The following SAP130 variants were observed in gnomAD, a reference collection of about 807,000 sequenced individuals.
SAP130 encodes the protein histone deacetylase complex subunit SAP130.
Under a neutral mutation model 103.2 loss-of-function variants are expected in SAP130, and 16 were observed. The observed-to-expected ratio is 0.16, with a 90% CI of 0.10 to 0.24. The LOEUF is 0.24. SAP130 is among the 10% of genes least tolerant of loss of function. The pLI is 1.00. For synonymous variants in SAP130, 477 were observed against 497.0 expected (o/e 0.96, Z 0.53); for missense variants, 990 against 1,359.7 (o/e 0.73, Z 4.28).
intron 14 of SAP130, among the ~76,000 whole-genome samples, chr2:127,983,923 T>C (rs2104970313): frequency 6.6e-6 from 1 of 151,098 alleles, no homozygotes; most frequent in East Asian, 2.0e-4. Flanking sequence ...ATCATTGGGT[T>C]TTATATTTGC....
intron 19 of SAP130, among the ~76,000 whole-genome samples, chr2:127,944,085 G>GC (rs1325381105): frequency 2.0e-5 from 3 of 152,052 alleles, no homozygotes; most frequent in South Asian, 2.1e-4. Context: ...AGGATGGAGT[G>GC]CAGTGGTGCG....
chr2:127,950,508 G>C lies in SAP130; in HGVS notation c.2423-100C>G, dbSNP rs1679427461. ...CAAAGATGATTAAGAAGACAGCACA[G>C]AGCACCAACATTTATTGTCTTCCTA... is the stretch of plus-strand genomic sequence containing the variant. On this transcript the variant is annotated intron_variant, in intron 16 of 20. Transcript: ENST00000643581. The C allele has an allele frequency of 4.5e-6, 6 of 1,344,012 alleles. No homozygotes were observed. In the East Asian group the frequency reaches 1.2e-4, roughly 26 times the overall value. 83.3% of individuals were successfully genotyped at this position (1,344,012 alleles called of 1,614,324 possible).
intron 7 of SAP130, among the ~76,000 whole-genome samples, chr2:128,004,482 C>T (rs1355045349): frequency 6.9e-6 from 1 of 145,824 alleles, no homozygotes; most frequent in African/African-American, 2.5e-5. Flanking sequence ...TGTACGATTA[C>T]AGACATGAGC....
chr2:127,981,804 C>T (rs780556664), intron 14 of SAP130, among the ~76,000 whole-genome samples: 22 of 142,010 alleles, frequency 1.5e-4, no homozygotes, highest in Non-Finnish European at 2.3e-4. Context: ...CCTGCACCCT[C>T]GACTCAGCTC....
Position 127,955,693 on chromosome 2 carries a change from G to A in SAP130, c.2064-349C>T, listed in dbSNP as rs184751173. 2.4e-4 allele frequency among the ~76,000 whole-genome samples: 37 copies of A among 152,056 alleles called. No individual in the cohort carries two copies. The highest frequency in any genetic ancestry group is 7.9e-4 in the Admixed American group (12 of 15,268). On this transcript the variant is annotated intron_variant, in intron 15 of 20. Transcript: ENST00000643581. The surrounding 1 kb of genome is among the most constrained non-coding windows in gnomAD (Gnocchi z 4.9). ...TGTGGAGATGGGGTTTCACCATGTT[G>A]CCCAGGCTGATCTCCAACTCCTGAA...
chr2:127,997,758 G>A (rs997887233), intron 10 of SAP130, among the ~76,000 whole-genome samples: 7 of 152,008 alleles, frequency 4.6e-5, no homozygotes, highest in African/African-American at 7.3e-5. Flanking sequence ...GCTAACCAGC[G>A]GTTGGTAACC....
At chr2:128,021,932 T>C (rs917578056) in intron 2 of SAP130, among the ~76,000 whole-genome samples, 9 of 152,242 alleles carry the variant, frequency 5.9e-5, no homozygotes, top group Non-Finnish European at 1.0e-4. Flanking sequence ...TGCATGTTTA[T>C]CTTTTGTCCA....
chr2:128,020,821 A>AC (rs1685101198), intron 2 of SAP130, among the ~76,000 whole-genome samples: 1 of 151,908 alleles, frequency 6.6e-6, no homozygotes, highest in African/African-American at 2.4e-5. Flanking sequence ...ACATGGTGAA[A>AC]CCCCGTCTCC....
chr2:128,021,519 G>A (rs1442151271), intron 2 of SAP130, among the ~76,000 whole-genome samples: 1 of 150,440 alleles, frequency 6.6e-6, no homozygotes, highest in African/African-American at 2.4e-5. Context: ...ACTATATATT[G>A]ACTTTTCTCC....
chr2:127,984,912 G>A (rs1379005724), intron 14 of SAP130, among the ~76,000 whole-genome samples: 1 of 152,174 alleles, frequency 6.6e-6, no homozygotes, highest in East Asian at 1.9e-4. Context: ...CAAACTCAAA[G>A]GTTTTAACTT....
chr2:127,972,756 TA>T (rs199992314), intron 15 of SAP130, among the ~76,000 whole-genome samples: 2 of 150,220 alleles, frequency 1.3e-5, no homozygotes, highest in South Asian at 2.1e-4. Context: ...AGATTCTGTC[TA>T]AAAAAAAAGT....
At chr2:127,983,483 A>C (rs1192245051) in intron 14 of SAP130, among the ~76,000 whole-genome samples, 1 of 152,142 alleles carries the variant, frequency 6.6e-6, no homozygotes, top group Non-Finnish European at 1.5e-5. Flanking sequence ...CTCCAGGCTG[A>C]GTGACAGTAG....
At chr2:128,013,715 A>C (rs982114372) in intron 5 of SAP130, among the ~76,000 whole-genome samples, 4 of 152,152 alleles carry the variant, frequency 2.6e-5, no homozygotes, top group African/African-American at 9.7e-5. Flanking sequence ...AAAAGGTAAA[A>C]ATTTCTAGTC....
At position 127,942,778 on chromosome 2, in the gene SAP130, CCA is replaced by C. The variant is rs1678799281; in HGVS notation, c.2902-243_2902-242del. 6.6e-6 allele frequency among the ~76,000 whole-genome samples: 1 copy of C among 152,098 alleles called. No homozygotes were observed. The highest frequency in any genetic ancestry group is 2.4e-5 in the African/African-American group (1 of 41,426). ...TCGAGGCGGGTGGATCACCTGAGGTCCAGAGTTTGAGACCAGCCTGACCAACA... is the reference window on the plus strand; with the variant it reads ...TCGAGGCGGGTGGATCACCTGAGGTCGAGTTTGAGACCAGCCTGACCAACA... On this transcript the variant is annotated intron_variant, in intron 19 of 20. Transcript: ENST00000643581. This position sits in a 1 kb window ranked among gnomAD's most constrained non-coding sequence, Gnocchi z 4.8.
intron 15 of SAP130, among the ~76,000 whole-genome samples, chr2:127,959,145 T>C (rs1002132802): frequency 6.6e-6 from 1 of 152,134 alleles, no homozygotes; most frequent in African/African-American, 2.4e-5. Context: ...AAAAGGCACA[T>C]TGTCTAGGAC....
At chr2:127,947,759 T>TGTGTGTGTGTGTGTGA (rs1253588462) in intron 18 of SAP130, among the ~76,000 whole-genome samples, 6 of 91,342 alleles carry the variant, frequency 6.6e-5, no homozygotes, top group East Asian at 5.7e-4. Flanking sequence ...TTGTATTGTG[T>TGTGTGTGTGTGTGTGA]GTGTCTGTGT....
intron 11 of SAP130, 93 bp from the exon 12 acceptor site, chr2:127,993,401 G>A: frequency 7.5e-7 from 1 of 1,335,176 alleles, no homozygotes; most frequent in Non-Finnish European, 1.0e-6. Context: ...GTGTCCTTCA[G>A]AACTGTCAAA....
chr2:127,979,121 T>TCCTA (rs1681681121), intron 14 of SAP130, among the ~76,000 whole-genome samples: 1 of 152,132 alleles, frequency 6.6e-6, no homozygotes. Flanking sequence ...GTGACAAGTA[T>TCCTA]CCTAGTAACA....
In SAP130 at chr2:127,978,083, T is replaced by G. The variant is rs1432540787; in HGVS notation, c.1965A>C (p.Ala655=). ...LRKKPATDGM[A]VRKTLIPPQP... ...GAGGAGGAATGAGGGTTTTCCGAACTGCCATTCTGAAAGAGACAAGAGACA... is the reference window on the plus strand; with the variant it reads ...GAGGAGGAATGAGGGTTTTCCGAACGGCCATTCTGAAAGAGACAAGAGACA... The change falls in exon 15 of 21, where the codon GCA becomes GCC. Residue 655 remains alanine (A), a synonymous_variant. Coordinates refer to ENST00000643581, the MANE Select transcript of SAP130 (RefSeq NM_001330301.2). 6.4e-7 allele frequency: 1 copy of G among 1,551,438 alleles called. No homozygotes were observed.
Sources: allele counts gnomAD v4.1 joint callset (sites outside exome capture counted in the v4.1 genomes callset), GRCh38; gene constraint gnomAD v4.1.1; non-coding constraint Gnocchi (gnomAD v3.1); transcripts MANE v1.5; gene names NCBI Gene and HGNC (gene_info 2026-07-23, HGNC 2026-07-21).